The following UGT2A1 variants were observed in gnomAD, a reference collection of about 807,000 sequenced individuals.
The protein encoded by UGT2A1 is UDP glucuronosyltransferase family 2 member A1 complex locus, also known as UDP-glucuronosyltransferase 2A1.
In UGT2A1, 61 loss-of-function variants were observed where a neutral mutation model predicts 45.4. That is an observed-to-expected ratio of 1.34 (90% CI 1.09 to 1.66). UGT2A1 has a LOEUF of 1.66. Ranked by LOEUF, UGT2A1 falls within the 40% of genes most tolerant of loss-of-function variation. UGT2A1 has a pLI of 0.00. For missense variants in UGT2A1, 649 were observed against 574.3 expected, an observed-to-expected ratio of 1.13 and a Z score of -1.33; for synonymous variants, 229 against 196.2, an observed-to-expected ratio of 1.17 and a Z score of -1.40.
intron 2 of UGT2A1, among the ~76,000 whole-genome samples, chr4:69,636,852 T>G (rs1186050956): frequency 6.6e-6 from 1 of 152,180 alleles, no homozygotes; most frequent in Admixed American, 6.5e-5. Context: ...TAACCCTATT[T>G]TAAAGAAGAG....
chr4:69,620,054 AT>A (rs1221277717), intron 3 of UGT2A1, among the ~76,000 whole-genome samples: 2 of 152,056 alleles, frequency 1.3e-5, no homozygotes, highest in African/African-American at 4.8e-5. Context: ...AGCTGTAAGC[AT>A]TTTCCTTATA....
At chr4:69,631,668 C>T (rs1020034009) in intron 3 of UGT2A1, among the ~76,000 whole-genome samples, 4 of 152,126 alleles carry the variant, frequency 2.6e-5, no homozygotes, top group Non-Finnish European at 5.9e-5. Context: ...TGTACATGGG[C>T]ATTTCTGGGT....
intron 3 of UGT2A1, among the ~76,000 whole-genome samples, chr4:69,613,025 G>T (rs775783249): frequency 6.8e-6 from 1 of 147,902 alleles, no homozygotes. Context: ...ATTTAAACAG[G>T]TCAACAAGCA....
intron 3 of UGT2A1, among the ~76,000 whole-genome samples, chr4:69,607,765 G>A (rs1298490324): frequency 1.3e-5 from 2 of 152,282 alleles, no homozygotes; most frequent in South Asian, 4.1e-4. Flanking sequence ...TGAAGGATAT[G>A]AACAGACACT....
At chr4:69,594,454 T>A (rs756882987) in intron 6 of UGT2A1, 23 bp downstream of exon 6, 3 of 1,607,806 alleles carry the variant, frequency 1.9e-6, no homozygotes, top group Non-Finnish European at 2.5e-6. Context: ...GTTAGGCAAG[T>A]TTTTAGGAGC....
At chr4:69,643,657 T>C (rs781498096) in intron 2 of UGT2A1, among the ~76,000 whole-genome samples, 6 of 151,630 alleles carry the variant, frequency 4.0e-5, no homozygotes, top group Non-Finnish European at 7.4e-5. Context: ...TTTTACATTA[T>C]AAATACCCAA....
chr4:69,598,874 A>G (rs1246061746), intron 4 of UGT2A1, among the ~76,000 whole-genome samples: 1 of 152,152 alleles, frequency 6.6e-6, no homozygotes, highest in Non-Finnish European at 1.5e-5. Context: ...TCATGAAGAC[A>G]TCTTTATCTC....
In UGT2A1 at chr4:69,594,530, T is replaced by A; in HGVS notation, c.1251A>T (p.Thr417=). The part of the protein sequence containing the change: ...KGAAVEVNLN[T]MTSVDLLSAL... The stretch of plus-strand genomic sequence containing the variant: ...CGCTAAGCAAATCCACACTTGTCAT[T>A]GTGTTTAGGTTCACTTCCACAGCTG... Residue 417 remains threonine, a synonymous_variant, in exon 6 of 7, where the codon ACA becomes ACT. Coordinates refer to ENST00000286604, the MANE Select transcript of UGT2A1 (RefSeq NM_001252275.3). 6.2e-7 allele frequency: 1 copy of A among 1,614,188 alleles called. No individual in the cohort carries two copies. Among genetic ancestry groups the A allele is most frequent in the East Asian group, 2.2e-5 (1 of 44,876 alleles).
At chr4:69,609,639 G>A (rs1157454881) in intron 3 of UGT2A1, among the ~76,000 whole-genome samples, 2 of 152,050 alleles carry the variant, frequency 1.3e-5, no homozygotes, top group Non-Finnish European at 2.9e-5. Flanking sequence ...TAATGTCTCT[G>A]AGATGAGATT....
At chr4:69,632,012 T>C (rs561928666) in intron 3 of UGT2A1, among the ~76,000 whole-genome samples, 31 of 152,278 alleles carry the variant, frequency 2.0e-4, no homozygotes, top group African/African-American at 7.0e-4. Context: ...TACCACATTA[T>C]AGTTATTAGT....
intron 2 of UGT2A1, among the ~76,000 whole-genome samples, chr4:69,642,546 T>A (rs1025080171): frequency 9.2e-5 from 14 of 151,740 alleles, no homozygotes; most frequent in African/African-American, 3.1e-4. Flanking sequence ...AAATCAAGAA[T>A]CATGGAAGGA....
At chr4:69,639,695 A>C (rs1465174312) in intron 2 of UGT2A1, 1 of 1,467,460 alleles carries the variant, frequency 6.8e-7, no homozygotes, top group East Asian at 2.4e-5. Context: ...ATTTAGGTCA[A>C]TTTTTAAATA....
intron 1 of UGT2A1, among the ~76,000 whole-genome samples, chr4:69,649,583 C>A (rs182624901): frequency 6.6e-6 from 1 of 152,192 alleles, no homozygotes; most frequent in African/African-American, 2.4e-5. Context: ...TGGTAAAATT[C>A]TTTTTAACAA....
chr4:69,607,601 G>T (rs1719725597), intron 3 of UGT2A1, among the ~76,000 whole-genome samples: 1 of 152,114 alleles, frequency 6.6e-6, no homozygotes, highest in Non-Finnish European at 1.5e-5. Flanking sequence ...CTTCTGCACA[G>T]GAAAAGAAAC....
chr4:69,648,968 C>T (rs1263789578), intron 1 of UGT2A1, among the ~76,000 whole-genome samples: 1 of 152,018 alleles, frequency 6.6e-6, no homozygotes. Context: ...GAATAGCAGC[C>T]TGCCAAAAGC....
intron 3 of UGT2A1, among the ~76,000 whole-genome samples, chr4:69,625,609 T>A (rs1721010466): frequency 1.3e-5 from 2 of 151,392 alleles, no homozygotes. Flanking sequence ...TGTGGGCTTG[T>A]TTATAGAAAT....
chr4:69,616,698 G>A (rs2033801), intron 3 of UGT2A1, among the ~76,000 whole-genome samples: 151,930 of 151,986 alleles, frequency 1, 75,937 homozygotes, highest in Non-Finnish European at 1. Flanking sequence ...TAGGATTTGC[G>A]ATAGTTCATT....
chr4:69,598,750 C>A (rs1213863324), intron 4 of UGT2A1, among the ~76,000 whole-genome samples: 1 of 151,944 alleles, frequency 6.6e-6, no homozygotes, highest in African/African-American at 2.4e-5. Flanking sequence ...GTAGATGGCA[C>A]AACTGTCTAA....
Position 69,589,570 on chromosome 4 carries a change from G to C in UGT2A1, c.1386C>G (p.Ile462Met). The C allele has an allele frequency of 6.2e-7, 1 of 1,614,010 alleles. No individual in the cohort carries two copies. The highest frequency in any genetic ancestry group is 2.2e-5 in the East Asian group (1 of 44,882). Residue 462 changes from isoleucine to methionine, a missense_variant, in exon 7 of 7, where the codon ATC (isoleucine) becomes ATG (methionine). Physicochemically the swap from Ile to Met is conservative, Grantham distance 10 (BLOSUM62 1). Coordinates refer to ENST00000286604, the MANE Select transcript of UGT2A1 (RefSeq NM_001252275.3). The part of the protein sequence containing the change: ...VKPLDRAVFW[I>M]EFVMRHKGAK... Reference sequence around the variant, plus strand: ...CTCCTTTGTGGCGCATGACAAACTCGATCCAGAAGACTGCTCGATCCAGGG... The same window carrying C: ...CTCCTTTGTGGCGCATGACAAACTCCATCCAGAAGACTGCTCGATCCAGGG...
Sources: gnomAD v4.1 joint callset for allele counts (sites outside exome capture counted in the v4.1 genomes callset) on GRCh38, gnomAD v4.1.1 for gene constraint, MANE v1.5 for transcripts, NCBI Gene and HGNC (gene_info 2026-07-23, HGNC 2026-07-21) for gene names.